PXN: variants seen among roughly 807,000 people sequenced by gnomAD.
The protein encoded by PXN is paxillin, also known as testicular tissue protein Li 134.
A neutral mutation model predicts 103.6 loss-of-function variants in PXN; 61 were observed. The ratio of observed to expected loss-of-function variants is 0.59; its 90% CI spans 0.48 to 0.73. The LOEUF (loss-of-function observed/expected upper bound fraction) is 0.73. Ranked by LOEUF, PXN falls within the 30% of genes least tolerant of loss-of-function variation. PXN has a pLI of 0.00. For missense variants in PXN, 1,274 were observed against 1,460.3 expected (o/e 0.87, Z 2.08); for synonymous variants, 562 against 607.8 (o/e 0.92, Z 1.11).
chr12:120,218,314 G>A (rs986277785), intron 7 of PXN, among the ~76,000 whole-genome samples: 2 of 152,146 alleles, frequency 1.3e-5, no homozygotes, highest in African/African-American at 4.8e-5. Flanking sequence ...AAAGTGCTAG[G>A]ATTACAGGTA....
intron 1 of PXN, among the ~76,000 whole-genome samples, chr12:120,227,655 T>C (rs1887166948): frequency 6.6e-6 from 1 of 152,100 alleles, no homozygotes; most frequent in Non-Finnish European, 1.5e-5. Flanking sequence ...TCCTCCTCTC[T>C]CTCCACCCTT....
chr12:120,258,826 G>A (rs528108158), intron 1 of PXN, among the ~76,000 whole-genome samples: 1 of 152,056 alleles, frequency 6.6e-6, no homozygotes, highest in African/African-American at 2.4e-5. Context: ...TTGGGAGGCC[G>A]AGGTGGGTGG....
In PXN at chr12:120,229,506, G is replaced by GCTCT. The variant is rs1887595254; in HGVS notation, c.14-5133_14-5130dup. ...GTACGGTGAATCCTCAGTCACCTGG[G>GCTCT]CTCTGCTCAATGGCTGAACTGCTCG... On this transcript the variant is annotated intron_variant, in intron 1 of 14. Transcript: ENST00000637617. The surrounding 1 kb of genome is among the most constrained non-coding windows in gnomAD (Gnocchi z 4.0). 6.6e-6 allele frequency among the ~76,000 whole-genome samples: 1 copy of GCTCT among 152,158 alleles called. No homozygotes were observed. Among genetic ancestry groups the GCTCT allele is most frequent in the East Asian group, 1.9e-4 (1 of 5,198 alleles).
rs1412688642 is a variant in PXN, at chr12:120,216,782, ACCCGGACC to A, written c.1992+51_1992+58del. The A allele has an allele frequency of 6.3e-7, 1 of 1,582,498 alleles. No homozygotes were observed. The highest frequency in any genetic ancestry group is 1.8e-5 in the Admixed American group (1 of 54,440). The stretch of plus-strand genomic sequence containing the variant: ...CGGCCAGCACTGGGGCCAGGGAAGA[ACCCGGACC>A]CCAGGTGCTTGGCTCTGGCCCAGCC... On this transcript the variant is annotated intron_variant, in intron 8 of 14. Transcript: ENST00000637617. This position sits in a 1 kb window ranked among gnomAD's most constrained non-coding sequence, Gnocchi z 5.1.
chr12:120,223,146 T>A, intron 3 of PXN, 147 bp from the exon 4 acceptor site: 1 of 1,396,008 alleles, frequency 7.2e-7, no homozygotes, highest in Non-Finnish European at 9.7e-7. Context: ...AGGGATGTGG[T>A]AAGAAGAGGG....
At chr12:120,243,269 C>T (rs1890473474) in intron 1 of PXN, among the ~76,000 whole-genome samples, 1 of 152,202 alleles carries the variant, frequency 6.6e-6, no homozygotes, top group African/African-American at 2.4e-5. Flanking sequence ...ATCCTGCCTA[C>T]CTAGAGAAAA....
rs754940370 is a variant in PXN at position 120,222,642 on chromosome 12, T to G, written c.602A>C (p.Lys201Thr). The G allele has an allele frequency of 6.2e-7, 1 of 1,609,240 alleles. No individual in the cohort carries two copies. The highest frequency in any genetic ancestry group is 8.5e-7 in the Non-Finnish European group (1 of 1,178,000). The change falls in exon 5 of 15, where the codon AAG becomes ACG. Residue 201 changes from lysine (K) to threonine (T), a missense_variant. By Grantham distance (78) the Lys-to-Thr change is moderately conservative. This residue lies in a region of PXN where 1,178 missense variants were observed against 1,309.0 expected (regional missense o/e 0.90). Transcript: ENST00000637617. The surrounding 1 kb of genome is among the most constrained non-coding windows in gnomAD (Gnocchi z 4.7). ...GGKAGPLTKE[K>T]PKRNGGRGLE... ...GCCCCGGCCCCCATTCCGCTTAGGCTTCTCTTTCGTCAGGGGCCCAGCTTT... is the reference window on the plus strand; with the variant it reads ...GCCCCGGCCCCCATTCCGCTTAGGCGTCTCTTTCGTCAGGGGCCCAGCTTT...
In PXN at chr12:120,212,680, A is replaced by T; in HGVS notation, c.2980-100T>A. ...GGGCATAGTCGGCACGCTCGGAGTG[A>T]CTCCTACTTGCTAGGCGTTTCCCAT... On this transcript the variant is annotated intron_variant, in intron 14 of 14. Transcript: ENST00000637617. The surrounding 1 kb of genome is among the most constrained non-coding windows in gnomAD (Gnocchi z 7.2). The T allele has an allele frequency of 7.2e-7, 1 of 1,393,996 alleles. No homozygotes were observed. The highest frequency in any genetic ancestry group is 2.0e-5 in the Admixed American group (1 of 49,152). 86.4% of individuals were successfully genotyped at this position (1,393,996 alleles called of 1,614,324 possible).
In PXN at chr12:120,265,676, C is replaced by T. The variant is rs1894602031; in HGVS notation, c.-47G>A. 1 of 1,433,488 alleles carries T rather than the reference C, an allele frequency of 7.0e-7. No individual in the cohort carries two copies. The highest frequency in any genetic ancestry group is 2.7e-5 in the Admixed American group (1 of 37,242). 88.8% of individuals were successfully genotyped at this position (1,433,488 alleles called of 1,614,324 possible). A position where few individuals can be genotyped will look rare whatever the true frequency, so the allele number is the denominator to read the frequency against. ...TCAGGGTCGCGCTAGCTGCCCGTCC[C>T]GGGGCCGCTCGTCTATGCCCCGCAA... On this transcript the variant is annotated 5_prime_UTR_variant, in exon 1 of 15. Transcript: ENST00000637617. The surrounding 1 kb of genome is among the most constrained non-coding windows in gnomAD (Gnocchi z 5.7).
At chr12:120,245,644 C>T (rs1244080749) in intron 1 of PXN, among the ~76,000 whole-genome samples, 9 of 151,514 alleles carry the variant, frequency 5.9e-5, no homozygotes, top group Non-Finnish European at 1.0e-4. Flanking sequence ...AAAAATTAGC[C>T]GGGTGTTGTG....
At chr12:120,231,502 G>C (rs926837970) in intron 1 of PXN, among the ~76,000 whole-genome samples, 1 of 152,164 alleles carries the variant, frequency 6.6e-6, no homozygotes, top group Non-Finnish European at 1.5e-5. Flanking sequence ...GTGTGGGCTG[G>C]GGGGTGACAC....
At chr12:120,236,916 C>T (rs1566414137) in intron 1 of PXN, among the ~76,000 whole-genome samples, 2 of 151,686 alleles carry the variant, frequency 1.3e-5, no homozygotes, top group South Asian at 4.2e-4. Flanking sequence ...GTGATCTTCC[C>T]ACCTCAGCCT....
chr12:120,219,425 C>T lies in PXN; in HGVS notation c.1498G>A (p.Gly500Arg), dbSNP rs773724621. The T allele has an allele frequency of 3.1e-6, 5 of 1,598,064 alleles. No homozygotes were observed. The South Asian group carries it at 4.4e-5, about 14-fold the overall frequency. ...GTAACTGAGGCAGGGGAGCTGCTTC[C>T]CAGCCTCCCTGGCTCTGGCCTTGGC... ...ERPRPEPGRL[G>R]SSSPASVTTE... The change falls in exon 7 of 15, where the codon GGA becomes AGA. Residue 500 changes from glycine (G) to arginine (R), a missense_variant. By Grantham distance (125) the Gly-to-Arg change is moderately radical (BLOSUM62 -2). Around this residue, in one of 2 missense-constraint regions of PXN, gnomAD observed 1,178 missense variants for 1,309.0 expected, o/e 0.90. Transcript: ENST00000637617. This position sits in a 1 kb window ranked among gnomAD's most constrained non-coding sequence, Gnocchi z 6.5.
intron 1 of PXN, among the ~76,000 whole-genome samples, chr12:120,246,780 G>C (rs577549570): frequency 1.3e-5 from 2 of 151,448 alleles, no homozygotes; most frequent in African/African-American, 4.9e-5. Flanking sequence ...ACTTGAACCC[G>C]GGAGGCAGAG....
rs1481164237 is a variant in PXN at position 120,228,876 on chromosome 12, A to C, written c.14-4499T>G. ...GGAACAGCTGCAGCTTTGGGTCGGG[A>C]GGCCGCCCTGGGGCAGGTGGCTGGG... On this transcript the variant is annotated intron_variant, in intron 1 of 14. Transcript: ENST00000637617. The surrounding 1 kb of genome is among the most constrained non-coding windows in gnomAD (Gnocchi z 4.7). Among the ~76,000 whole-genome samples, 1 of 152,094 alleles carries C rather than the reference A, an allele frequency of 6.6e-6. No individual in the cohort carries two copies. Among genetic ancestry groups the C allele is most frequent in the East Asian group, 1.9e-4 (1 of 5,156 alleles).
intron 7 of PXN, among the ~76,000 whole-genome samples, chr12:120,218,002 T>G (rs1265497161): frequency 1.3e-5 from 2 of 151,728 alleles, no homozygotes; most frequent in South Asian, 2.1e-4. Context: ...GGTTTTTGGT[T>G]GTTTCGTTTT....
At chr12:120,226,518 C>T in intron 1 of PXN, 1 of 1,243,064 alleles carries the variant, frequency 8.0e-7, no homozygotes, top group Non-Finnish European at 1.0e-6. Flanking sequence ...AATGGTCAGG[C>T]TTCCTTGTCA....
intron 1 of PXN, among the ~76,000 whole-genome samples, chr12:120,261,999 G>A (rs748112797): frequency 7.2e-5 from 11 of 152,142 alleles, no homozygotes; most frequent in Non-Finnish European, 1.0e-4. Context: ...GGGCACTATC[G>A]CTGCATGGGT....
rs1476551431 is a variant in PXN, at chr12:120,210,532, A to G, written c.*1782T>C. On this transcript the variant is annotated 3_prime_UTR_variant, in exon 15 of 15. Coordinates refer to ENST00000637617, the MANE Select transcript of PXN (RefSeq NM_001385981.1). ...CTTGGAAGTTTACAGAGAAAAAATA[A>G]AATCAAAATCAAATTTTCAAATAAC... 1.3e-5 allele frequency: 2 copies of G among 152,254 alleles called. No homozygotes were observed. The highest frequency in any genetic ancestry group is 2.9e-5 in the Non-Finnish European group (2 of 68,060). The allele number at this position is 152,254 out of a possible 1,614,324, so 9.4% of individuals were successfully genotyped here. A position where few individuals can be genotyped will look rare whatever the true frequency, so the allele number is the denominator to read the frequency against.
Sources: gnomAD v4.1 joint callset for allele counts (sites outside exome capture counted in the v4.1 genomes callset) on GRCh38, gnomAD v4.1.1 for gene constraint, gnomAD v4.1.1 regional missense constraint, Gnocchi (gnomAD v3.1) non-coding constraint, MANE v1.5 for transcripts, NCBI Gene and HGNC (gene_info 2026-07-23, HGNC 2026-07-21) for gene names.